Variants in CACNA2D3 observed in about 807,000 individuals in gnomAD.
CACNA2D3 encodes calcium voltage-gated channel auxiliary subunit alpha2delta 3, also known as voltage-dependent calcium channel subunit alpha-2/delta-3.
CACNA2D3 carries 60 observed loss-of-function variants against 160.6 expected under a neutral mutation model. The ratio of observed to expected loss-of-function variants is 0.37; its 90% CI spans 0.30 to 0.46. The LOEUF (loss-of-function observed/expected upper bound fraction) is 0.46, where lower values mean the gene tolerates loss of function less well. Ranked by LOEUF, CACNA2D3 falls within the 20% of genes least tolerant of loss-of-function variation. The pLI is 1.00. For synonymous variants in CACNA2D3, 558 were observed against 492.9 expected, an observed-to-expected ratio of 1.13 and a Z score of -1.75; for missense variants, 1,205 against 1,365.0, an observed-to-expected ratio of 0.88 and a Z score of 1.85.
intron 5 of CACNA2D3, among the ~76,000 whole-genome samples, chr3:54,506,128 TC>T (rs1701364657): frequency 6.6e-6 from 1 of 152,004 alleles, no homozygotes; most frequent in Non-Finnish European, 1.5e-5. Context: ...TCAGGCAAAT[TC>T]CTGTCTCCAC....
intron 11 of CACNA2D3, among the ~76,000 whole-genome samples, chr3:54,654,123 C>A (rs1184083583): frequency 1.3e-5 from 2 of 152,126 alleles, no homozygotes; most frequent in Non-Finnish European, 2.9e-5. Context: ...CAACCCATAT[C>A]CAGCTGTCTC....
intron 4 of CACNA2D3, among the ~76,000 whole-genome samples, chr3:54,446,827 C>T (rs1336256976): frequency 6.6e-6 from 1 of 152,142 alleles, no homozygotes; most frequent in Non-Finnish European, 1.5e-5. Context: ...TCCCTCCCCA[C>T]TGAATTCTCT....
At chr3:54,940,604 T>C (rs770412763) in intron 27 of CACNA2D3, among the ~76,000 whole-genome samples, 5 of 152,176 alleles carry the variant, frequency 3.3e-5, no homozygotes, top group Non-Finnish European at 7.3e-5. Context: ...TACAGGCTAC[T>C]CCCAAACTGT....
intron 3 of CACNA2D3, among the ~76,000 whole-genome samples, chr3:54,385,316 G>C (rs542688313): frequency 1.3e-5 from 2 of 152,246 alleles, no homozygotes; most frequent in Non-Finnish European, 2.9e-5. Flanking sequence ...ACCACTTTTT[G>C]TATTTTCAGG....
intron 2 of CACNA2D3, among the ~76,000 whole-genome samples, chr3:54,205,735 T>A (rs1400501795): frequency 3.9e-5 from 6 of 152,070 alleles, no homozygotes; most frequent in African/African-American, 1.2e-4. Context: ...CCTCTGGGGC[T>A]GGAATGGGGT....
chr3:54,878,938 C>A, intron 18 of CACNA2D3, 80 bp from the exon 19 acceptor site: 1 of 820,138 alleles, frequency 1.2e-6, no homozygotes, highest in Non-Finnish European at 1.9e-6. Context: ...GGAGGCTCCA[C>A]TGCACGCTGA....
intron 11 of CACNA2D3, among the ~76,000 whole-genome samples, chr3:54,676,539 G>T (rs1700248181): frequency 6.6e-6 from 1 of 152,150 alleles, no homozygotes; most frequent in Non-Finnish European, 1.5e-5. Flanking sequence ...GTAGAGGGCA[G>T]AAGGGTTCAG....
At chr3:54,675,281 A>T (rs1700220176) in intron 11 of CACNA2D3, among the ~76,000 whole-genome samples, 1 of 152,116 alleles carries the variant, frequency 6.6e-6, no homozygotes, top group Admixed American at 6.5e-5. Context: ...GAAGGTGAAG[A>T]TGAAGTTGAG....
At chr3:54,628,340 C>G (rs1355173128) in intron 10 of CACNA2D3, among the ~76,000 whole-genome samples, 1 of 152,164 alleles carries the variant, frequency 6.6e-6, no homozygotes, top group Non-Finnish European at 1.5e-5. Flanking sequence ...ATCTAGGGAA[C>G]CAGATGCCAG....
chr3:54,462,117 T>G (rs1190432446), intron 4 of CACNA2D3, among the ~76,000 whole-genome samples: 1 of 152,180 alleles, frequency 6.6e-6, no homozygotes, highest in African/African-American at 2.4e-5. Flanking sequence ...TGAGTTCTAG[T>G]TTGATTGCAC....
At chr3:54,607,135 GAAC>G (rs1194698936) in intron 9 of CACNA2D3, among the ~76,000 whole-genome samples, 2 of 152,144 alleles carry the variant, frequency 1.3e-5, no homozygotes, top group Non-Finnish European at 2.9e-5. Context: ...CACTGAGAAT[GAAC>G]AACATTAAGG....
intron 25 of CACNA2D3, chr3:54,894,871 AT>A (rs1700153096): frequency 3.0e-6 from 1 of 334,508 alleles, no homozygotes; most frequent in South Asian, 2.4e-5. Flanking sequence ...GTCTACCAAG[AT>A]GAGCCTGGAA....
chr3:54,872,641 G>T (rs1314723138), intron 18 of CACNA2D3, among the ~76,000 whole-genome samples: 2 of 152,164 alleles, frequency 1.3e-5, no homozygotes, highest in African/African-American at 4.8e-5. Flanking sequence ...TCTGCACTTT[G>T]TCACCAGCTC....
intron 2 of CACNA2D3, among the ~76,000 whole-genome samples, chr3:54,297,639 G>A (rs770233169): frequency 3.3e-5 from 5 of 151,390 alleles, no homozygotes; most frequent in African/African-American, 4.9e-5. Flanking sequence ...CTGAGACCTT[G>A]GTTCATAACC....
chr3:54,302,375 G>A (rs1358897293), intron 2 of CACNA2D3, among the ~76,000 whole-genome samples: 1 of 152,212 alleles, frequency 6.6e-6, no homozygotes, highest in Non-Finnish European at 1.5e-5. Flanking sequence ...TTTGTTTGTG[G>A]AGGGGACTTA....
intron 27 of CACNA2D3, among the ~76,000 whole-genome samples, chr3:54,929,053 C>T (rs1375013655): frequency 1.3e-5 from 2 of 152,168 alleles, no homozygotes; most frequent in Non-Finnish European, 2.9e-5. Flanking sequence ...ATGGAAGCAG[C>T]ATGAAGTGCA....
chr3:54,782,621 T>C (rs144629306), intron 13 of CACNA2D3, among the ~76,000 whole-genome samples: 1 of 152,036 alleles, frequency 6.6e-6, no homozygotes, highest in South Asian at 2.1e-4. Context: ...TCATCTTCAC[T>C]CTTTGCGGTC....
chr3:54,543,239 CA>C (rs1702009470), intron 5 of CACNA2D3, among the ~76,000 whole-genome samples: 1 of 152,108 alleles, frequency 6.6e-6, no homozygotes, highest in Non-Finnish European at 1.5e-5. Context: ...ATAAATGGAA[CA>C]AAAAGGTCGG....
At chr3:54,854,414 T>A (rs554580501) in intron 17 of CACNA2D3, among the ~76,000 whole-genome samples, 1 of 152,248 alleles carries the variant, frequency 6.6e-6, no homozygotes, top group East Asian at 1.9e-4. Context: ...TGGGTTTCTG[T>A]TGGGTGGGAG....
Sources: allele counts gnomAD v4.1 joint callset (sites outside exome capture counted in the v4.1 genomes callset), GRCh38; gene constraint gnomAD v4.1.1; transcripts MANE v1.5; gene names NCBI Gene and HGNC (gene_info 2026-07-23, HGNC 2026-07-21).